Variants in PLEKHA5 observed in about 807,000 individuals in gnomAD.
PLEKHA5 encodes pleckstrin homology domain containing A5.
In PLEKHA5, 55 loss-of-function variants were observed where a neutral mutation model predicts 181.9. The ratio of observed to expected loss-of-function variants is 0.30; its 90% CI spans 0.24 to 0.38. The LOEUF is 0.38. PLEKHA5 is among the 10% of genes least tolerant of loss of function. The pLI, the probability that PLEKHA5 is intolerant of heterozygous loss-of-function variation, is 1.00. For synonymous variants in PLEKHA5, 535 were observed against 529.4 expected, an observed-to-expected ratio of 1.01 and a Z score of -0.15; for missense variants, 1,432 against 1,549.5, an observed-to-expected ratio of 0.92 and a Z score of 1.27.
intron 31 of PLEKHA5, among the ~76,000 whole-genome samples, chr12:19,375,163 A>G (rs892711792): frequency 6.6e-6 from 1 of 151,958 alleles, no homozygotes; most frequent in Non-Finnish European, 1.5e-5. Context: ...GTCTCTACTA[A>G]AAATACAAAA....
intron 7 of PLEKHA5, among the ~76,000 whole-genome samples, chr12:19,262,860 T>G (rs1255195486): frequency 6.6e-6 from 1 of 152,134 alleles, no homozygotes; most frequent in Non-Finnish European, 1.5e-5. Context: ...TGTGTACCCC[T>G]GAACCTATAA....
intron 3 of PLEKHA5, among the ~76,000 whole-genome samples, chr12:19,203,102 AGAT>A (rs1226742087): frequency 1.3e-5 from 2 of 152,132 alleles, no homozygotes; most frequent in Admixed American, 6.6e-5. Context: ...TGTAATTACA[AGAT>A]GATCTCAATT....
intron 15 of PLEKHA5, among the ~76,000 whole-genome samples, chr12:19,307,738 C>G (rs771240864): frequency 6.6e-6 from 1 of 151,754 alleles, no homozygotes; most frequent in Non-Finnish European, 1.5e-5. Context: ...ACATCAAAAA[C>G]GAGAGACAGA....
chr12:19,204,192 A>G (rs2054848314), intron 3 of PLEKHA5, among the ~76,000 whole-genome samples: 1 of 152,014 alleles, frequency 6.6e-6, no homozygotes. Context: ...GGTGATTTAC[A>G]ATAGGGAAGT....
At chr12:19,165,489 T>G (rs2044131109) in intron 3 of PLEKHA5, among the ~76,000 whole-genome samples, 1 of 152,102 alleles carries the variant, frequency 6.6e-6, no homozygotes, top group Admixed American at 6.6e-5. Context: ...AGAATCTTAT[T>G]TCTGGGTAGG....
chr12:19,213,053 T>G (rs140788126), intron 3 of PLEKHA5, among the ~76,000 whole-genome samples: 185 of 152,228 alleles, frequency 1.2e-3, no homozygotes, highest in African/African-American at 4.2e-3. Context: ...TTATGTCAGA[T>G]AGTGAAACAA....
intron 25 of PLEKHA5, 38 bp downstream of exon 25, chr12:19,348,557 T>A: frequency 6.7e-7 from 1 of 1,491,948 alleles, no homozygotes; most frequent in Non-Finnish European, 8.9e-7. Context: ...TTGGTTTTTG[T>A]TTTTGAAGAC....
intron 16 of PLEKHA5, among the ~76,000 whole-genome samples, chr12:19,316,210 T>C (rs2098017308): frequency 6.6e-6 from 1 of 152,116 alleles, no homozygotes; most frequent in Admixed American, 6.6e-5. Flanking sequence ...ATCAAAGGGA[T>C]TTTGTTGTAA....
chr12:19,255,006 A>T, intron 4 of PLEKHA5, 39 bp from the exon 5 acceptor site: 1 of 1,569,720 alleles, frequency 6.4e-7, no homozygotes, highest in South Asian at 1.2e-5. Flanking sequence ...AGCGGGTTAC[A>T]TACACAGCAA....
At chr12:19,174,828 A>C (rs1356748098) in intron 3 of PLEKHA5, among the ~76,000 whole-genome samples, 1 of 152,206 alleles carries the variant, frequency 6.6e-6, no homozygotes, top group Non-Finnish European at 1.5e-5. Context: ...ATAAATCTCC[A>C]TGCAGTCATC....
At chr12:19,366,256 G>A in intron 30 of PLEKHA5, 147 bp downstream of exon 30, 1 of 658,484 alleles carries the variant, frequency 1.5e-6, no homozygotes, top group South Asian at 1.9e-5. Flanking sequence ...TGTACCTTCA[G>A]GAGGATGCAG....
intron 3 of PLEKHA5, among the ~76,000 whole-genome samples, chr12:19,229,002 T>A (rs780283841): frequency 2.6e-5 from 4 of 152,192 alleles, no homozygotes; most frequent in African/African-American, 4.8e-5. Context: ...AAAAACTTGT[T>A]GACAAAGGAA....
chr12:19,294,883 C>T (rs943495637), intron 15 of PLEKHA5, among the ~76,000 whole-genome samples: 6 of 152,080 alleles, frequency 3.9e-5, no homozygotes, highest in Non-Finnish European at 7.4e-5. Context: ...TCACTGTCAC[C>T]GTTTATGAGG....
At chr12:19,223,000 CT>C (rs62719560) in intron 3 of PLEKHA5, among the ~76,000 whole-genome samples, 10,612 of 128,792 alleles carry the variant, frequency 0.082, 453 homozygotes, top group East Asian at 0.2. Context: ...GAAATTTTGT[CT>C]TTTTTTTTTT....
intron 3 of PLEKHA5, among the ~76,000 whole-genome samples, chr12:19,181,114 A>G (rs2048460351): frequency 6.6e-6 from 1 of 152,182 alleles, no homozygotes; most frequent in African/African-American, 2.4e-5. Flanking sequence ...CTATAGTAAT[A>G]TTTCACTATT....
intron 3 of PLEKHA5, among the ~76,000 whole-genome samples, chr12:19,235,307 G>T (rs977116175): frequency 1.3e-5 from 2 of 152,156 alleles, no homozygotes; most frequent in Non-Finnish European, 2.9e-5. Context: ...AGATTTAGTT[G>T]TAAGACAACT....
chr12:19,233,279 T>C (rs2060906532), intron 3 of PLEKHA5, among the ~76,000 whole-genome samples: 1 of 152,158 alleles, frequency 6.6e-6, no homozygotes, highest in South Asian at 2.1e-4. Context: ...CTGTTTAAAC[T>C]TGGGATTTAA....
At chr12:19,300,547 T>C (rs1252118426) in intron 15 of PLEKHA5, among the ~76,000 whole-genome samples, 3 of 152,192 alleles carry the variant, frequency 2.0e-5, no homozygotes, top group Non-Finnish European at 4.4e-5. Flanking sequence ...TTTCAGCAAG[T>C]TTATTCATTC....
intron 15 of PLEKHA5, among the ~76,000 whole-genome samples, chr12:19,304,467 T>C (rs1486093732): frequency 6.6e-6 from 1 of 152,214 alleles, no homozygotes; most frequent in Non-Finnish European, 1.5e-5. Flanking sequence ...TTTACTTAGT[T>C]TGAAGTTTTT....
Sources: allele counts gnomAD v4.1 joint callset (sites outside exome capture counted in the v4.1 genomes callset), GRCh38; gene constraint gnomAD v4.1.1; transcripts MANE v1.5; gene names NCBI Gene and HGNC (gene_info 2026-07-23, HGNC 2026-07-21).